SYN3: variants seen among roughly 807,000 people sequenced by gnomAD.
The protein encoded by SYN3 is synapsin III.
A neutral mutation model predicts 65.8 loss-of-function variants in SYN3; 35 were observed. The observed-to-expected ratio is 0.53, with a 90% confidence interval of 0.41 to 0.70. The LOEUF (loss-of-function observed/expected upper bound fraction) is 0.70, where lower values mean the gene tolerates loss of function less well. SYN3 is among the 30% of genes least tolerant of loss of function. The pLI, the probability that SYN3 is intolerant of heterozygous loss-of-function variation, is 0.00. For missense variants in SYN3, 680 were observed against 749.0 expected (o/e 0.91, Z 1.08); for synonymous variants, 270 against 292.9 (o/e 0.92, Z 0.80).
chr22:32,566,553 C>T (rs1348977959), intron 7 of SYN3, among the ~76,000 whole-genome samples: 1 of 152,182 alleles, frequency 6.6e-6, no homozygotes, highest in Non-Finnish European at 1.5e-5. Flanking sequence ...ATGGGTACAA[C>T]AGTGACACAA....
At chr22:33,014,304 G>A (rs1414216121) in intron 1 of SYN3, 2 of 152,134 alleles carry the variant, frequency 1.3e-5, no homozygotes, top group East Asian at 3.9e-4. Flanking sequence ...GGGCACCTAG[G>A]TTAGTTCCAT....
chr22:32,863,364 T>C (rs2048600702), intron 6 of SYN3, among the ~76,000 whole-genome samples: 1 of 152,204 alleles, frequency 6.6e-6, no homozygotes, highest in South Asian at 2.1e-4. Flanking sequence ...TCAGCCCTCC[T>C]TGTTTTCTTC....
chr22:32,785,609 C>T (rs1030540018), intron 6 of SYN3, among the ~76,000 whole-genome samples: 1 of 152,154 alleles, frequency 6.6e-6, no homozygotes, highest in Non-Finnish European at 1.5e-5. Context: ...ATTTATTGTG[C>T]CTGACATTTT....
intron 3 of SYN3, 94 bp from the exon 4 acceptor site, chr22:32,931,575 A>C: frequency 1.2e-6 from 1 of 816,434 alleles, no homozygotes; most frequent in South Asian, 1.4e-5. Flanking sequence ...TACAAAGTAC[A>C]CCTTTAAAGC....
intron 7 of SYN3, among the ~76,000 whole-genome samples, chr22:32,544,850 T>C (rs1287614084): frequency 6.6e-6 from 1 of 152,214 alleles, no homozygotes; most frequent in African/African-American, 2.4e-5. Flanking sequence ...TTTGGCACCT[T>C]GGTTTCCTAG....
intron 6 of SYN3, among the ~76,000 whole-genome samples, chr22:32,641,222 G>A (rs1305252895): frequency 6.6e-6 from 1 of 152,202 alleles, no homozygotes; most frequent in Non-Finnish European, 1.5e-5. Flanking sequence ...GAACCGTGGA[G>A]CTCACGTGTT....
intron 6 of SYN3, among the ~76,000 whole-genome samples, chr22:32,614,038 A>C (rs746489572): frequency 2.6e-5 from 4 of 152,188 alleles, no homozygotes; most frequent in Non-Finnish European, 5.9e-5. Flanking sequence ...GCATTTGTGA[A>C]TAGGGCTAAA....
chr22:32,601,150 C>T (rs369189709), intron 6 of SYN3, among the ~76,000 whole-genome samples: 45 of 152,294 alleles, frequency 3.0e-4, no homozygotes, highest in African/African-American at 1.1e-3. Context: ...ATTTAGAGAA[C>T]ACAGAAAGTC....
intron 6 of SYN3, among the ~76,000 whole-genome samples, chr22:32,825,059 A>G (rs760395862): frequency 1.3e-5 from 2 of 152,130 alleles, no homozygotes; most frequent in Admixed American, 6.5e-5. Context: ...GAGCGCAGAA[A>G]AGGGACAGGA....
chr22:32,881,949 G>A (rs1348743506), intron 4 of SYN3, among the ~76,000 whole-genome samples: 1 of 151,908 alleles, frequency 6.6e-6, no homozygotes, highest in Non-Finnish European at 1.5e-5. Context: ...CCAGCTATTC[G>A]GAGACTGAGG....
intron 7 of SYN3, among the ~76,000 whole-genome samples, chr22:32,576,665 C>A (rs980754650): frequency 6.6e-6 from 1 of 152,110 alleles, no homozygotes; most frequent in Admixed American, 6.5e-5. Flanking sequence ...CAAATTCATT[C>A]AAGTCTGCCG....
intron 6 of SYN3, among the ~76,000 whole-genome samples, chr22:32,765,543 T>C (rs2045599661): frequency 6.6e-6 from 1 of 151,982 alleles, no homozygotes; most frequent in African/African-American, 2.4e-5. Context: ...GTGGTGACGA[T>C]AATGAGAAAA....
chr22:32,606,113 T>C (rs1366119668), intron 6 of SYN3, among the ~76,000 whole-genome samples: 2 of 152,164 alleles, frequency 1.3e-5, no homozygotes, highest in Non-Finnish European at 2.9e-5. Context: ...CTGCCCTTGC[T>C]CTCATCTCCT....
intron 5 of SYN3, 65 bp from the exon 6 acceptor site, chr22:32,865,069 T>C: frequency 1.5e-6 from 2 of 1,302,454 alleles, no homozygotes; most frequent in Non-Finnish European, 2.2e-6. Context: ...ACCTCCCACT[T>C]GATCTGAGGC....
intron 6 of SYN3, among the ~76,000 whole-genome samples, chr22:32,767,556 GA>G (rs540307707): frequency 1.3e-3 from 204 of 152,336 alleles, no homozygotes; most frequent in African/African-American, 4.8e-3. Flanking sequence ...CCTCTAATAT[GA>G]ATGGCGTCAT....
At chr22:32,815,843 C>T (rs1173944461) in intron 6 of SYN3, among the ~76,000 whole-genome samples, 1 of 152,182 alleles carries the variant, frequency 6.6e-6, no homozygotes, top group Non-Finnish European at 1.5e-5. Context: ...ATTCTGCCCA[C>T]GGTCACCCCA....
intron 6 of SYN3, among the ~76,000 whole-genome samples, chr22:32,604,821 C>A (rs144192799): frequency 5.3e-5 from 8 of 151,706 alleles, no homozygotes; most frequent in African/African-American, 1.9e-4. Context: ...CTGGCTAACA[C>A]GGTGAAACCC....
At chr22:32,923,727 G>C (rs1480304377) in intron 4 of SYN3, among the ~76,000 whole-genome samples, 3 of 152,168 alleles carry the variant, frequency 2.0e-5, no homozygotes, top group African/African-American at 7.2e-5. Context: ...GGTTACATGT[G>C]CAGGTTTGTT....
At chr22:32,857,723 AC>A (rs1450943755) in intron 6 of SYN3, among the ~76,000 whole-genome samples, 2 of 152,226 alleles carry the variant, frequency 1.3e-5, no homozygotes, top group African/African-American at 2.4e-5. Flanking sequence ...GAAAACAAAA[AC>A]AAAAATCATT....
Sources: allele counts gnomAD v4.1 joint callset (sites outside exome capture counted in the v4.1 genomes callset), GRCh38; gene constraint gnomAD v4.1.1; transcripts MANE v1.5; gene names NCBI Gene and HGNC (gene_info 2026-07-23, HGNC 2026-07-21).